Variants in RCAN3 observed in about 807,000 individuals in gnomAD.
The protein encoded by RCAN3 is regulator of calcineurin 3.
In RCAN3, 19 loss-of-function variants were observed where a neutral mutation model predicts 21.9. That is an observed-to-expected ratio of 0.87 (90% CI 0.61 to 1.27). The LOEUF (loss-of-function observed/expected upper bound fraction) is 1.27, where lower values mean the gene tolerates loss of function less well. RCAN3 is among the 50% of genes most tolerant of loss of function. The pLI is 0.00. For missense variants in RCAN3, 240 were observed against 300.1 expected (o/e 0.80, Z 1.48); for synonymous variants, 114 against 112.3 (o/e 1.01, Z -0.09).
Position 24,535,233 on chromosome 1 carries a change from ACCGCAG to A in RCAN3, c.684_689del (p.Ala229_Ala230del). The stretch of plus-strand genomic sequence containing the variant: ...CCAGACGAGGCGCCCCGACCCTCCG[ACCGCAG>A]CGTTGAATGAGCCCCAGACCTTTGA... On this transcript the variant is annotated inframe_deletion, in exon 5 of 5. Coordinates refer to ENST00000374395, the MANE Select transcript of RCAN3 (RefSeq NM_013441.4). The A allele has an allele frequency of 6.3e-7, 1 of 1,581,570 alleles. No homozygotes were observed. Among genetic ancestry groups the A allele is most frequent in the Non-Finnish European group, 8.6e-7 (1 of 1,169,270 alleles).
chr1:24,507,758 G>T (rs1647552143), intron 1 of RCAN3: 1 of 152,156 alleles, frequency 6.6e-6, no homozygotes, highest in Non-Finnish European at 1.5e-5. Context: ...TGTACCTGTG[G>T]GCCACCCAGA....
chr1:24,518,053 A>G (rs1174614320), intron 2 of RCAN3, among the ~76,000 whole-genome samples: 1 of 150,548 alleles, frequency 6.6e-6, no homozygotes, highest in Non-Finnish European at 1.5e-5. Flanking sequence ...GGCTGGGCAC[A>G]TTGGCTCACA....
At chr1:24,529,998 CA>C (rs201761424) in intron 2 of RCAN3, among the ~76,000 whole-genome samples, 21 of 96,922 alleles carry the variant, frequency 2.2e-4, no homozygotes, top group Admixed American at 1.9e-4. Context: ...GACCCCATCT[CA>C]AAAAAAAAAA....
At chr1:24,503,175 C>T (rs1457858226) in intron 1 of RCAN3, 25 bp downstream of exon 1, 1 of 14,768 alleles carries the variant, frequency 6.8e-5, no homozygotes, top group Non-Finnish European at 1.7e-4. Context: ...CGGGGCGGGG[C>T]GGGGCGGGGC....
Position 24,536,019 on chromosome 1 carries a change from C to A in RCAN3, c.*742C>A, listed in dbSNP as rs569664497. 1.3e-5 allele frequency: 2 copies of A among 152,170 alleles called. No individual in the cohort carries two copies. The highest frequency in any genetic ancestry group is 2.9e-5 in the Non-Finnish European group (2 of 68,052). The allele number at this position is 152,170 out of a possible 1,614,324, so 9.4% of individuals were successfully genotyped here. On this transcript the variant is annotated 3_prime_UTR_variant, in exon 5 of 5. Transcript: ENST00000374395. Reference sequence around the variant, plus strand: ...AAGGACGGCCACTTTAGAAGTGGGACGTATCACCAGTAAGCTTGAATGATT... The same window carrying A: ...AAGGACGGCCACTTTAGAAGTGGGAAGTATCACCAGTAAGCTTGAATGATT...
intron 2 of RCAN3, among the ~76,000 whole-genome samples, chr1:24,522,625 C>T (rs1045775084): frequency 6.6e-6 from 1 of 152,108 alleles, no homozygotes; most frequent in Non-Finnish European, 1.5e-5. Context: ...TCCCAGGCCT[C>T]CACGCTTGTC....
rs755493321 is a variant in RCAN3 at position 24,533,152 on chromosome 1, A to G, written c.439A>G (p.Ile147Val). The change falls in exon 4 of 5, where the codon ATC becomes GTC. Residue 147 changes from isoleucine to valine, a missense_variant. By Grantham distance (29) the Ile-to-Val change is conservative. Coordinates refer to ENST00000374395, the MANE Select transcript of RCAN3 (RefSeq NM_013441.4). ...LPPQPVKQFL[I>V]SPPASPPVGW... The stretch of plus-strand genomic sequence containing the variant: ...GCCCCAGCCTGTCAAGCAGTTCCTC[A>G]TCTCCCCTCCAGCCTCTCCCCCGGT... 77 of 1,602,560 alleles carry G rather than the reference A, an allele frequency of 4.8e-5. No individual in the cohort carries two copies. The highest frequency in any genetic ancestry group is 6.5e-5 in the Non-Finnish European group (77 of 1,176,316).
chr1:24,528,885 G>A (rs1054552734), intron 2 of RCAN3, among the ~76,000 whole-genome samples: 7 of 152,106 alleles, frequency 4.6e-5, no homozygotes, highest in Non-Finnish European at 8.8e-5. Context: ...AAACAGCTGC[G>A]CAAACACACT....
Position 24,539,364 on chromosome 1 carries a change from T to G in RCAN3, c.*4087T>G, listed in dbSNP as rs893418845. ...ATTAATGAATTTGATGTCCCATGTT[T>G]TGTAGTTTTGTTATCATTGAACCAT... is the stretch of plus-strand genomic sequence containing the variant. On this transcript the variant is annotated 3_prime_UTR_variant, in exon 5 of 5. Coordinates refer to ENST00000374395, the MANE Select transcript of RCAN3 (RefSeq NM_013441.4). 3.3e-5 allele frequency: 5 copies of G among 152,228 alleles called. No individual in the cohort carries two copies. Among genetic ancestry groups the G allele is most frequent in the Admixed American group, 6.5e-5 (1 of 15,284 alleles). 9.4% of individuals were successfully genotyped at this position (152,228 alleles called of 1,614,324 possible).
At chr1:24,521,419 A>C (rs942582151) in intron 2 of RCAN3, among the ~76,000 whole-genome samples, 1 of 152,114 alleles carries the variant, frequency 6.6e-6, no homozygotes, top group Admixed American at 6.5e-5. Context: ...CAAAACAAAA[A>C]ACCAAAGACT....
intron 1 of RCAN3, among the ~76,000 whole-genome samples, chr1:24,505,423 A>G (rs1647367513): frequency 1.3e-5 from 2 of 150,560 alleles, no homozygotes; most frequent in Admixed American, 1.3e-4. Flanking sequence ...GGGTTTTTCC[A>G]TGTTGCCCGG....
chr1:24,528,262 A>G (rs1649437878), intron 2 of RCAN3, among the ~76,000 whole-genome samples: 1 of 138,588 alleles, frequency 7.2e-6, no homozygotes, highest in African/African-American at 3.4e-5. Flanking sequence ...AAGAAAAAAA[A>G]AAAAAGAAAA....
intron 2 of RCAN3, among the ~76,000 whole-genome samples, chr1:24,517,543 T>G (rs1329437325): frequency 6.6e-6 from 1 of 152,252 alleles, no homozygotes; most frequent in Non-Finnish European, 1.5e-5. Context: ...CGTAAATTTA[T>G]ACTGGAAATC....
rs922637609 is a variant in RCAN3, at chr1:24,540,950, T to C, written c.*5673T>C. Reference sequence around the variant, plus strand: ...TCCTATCAAGATGACAAAAGCAGAATGTAATTTTTTTTTGGAAGCTTCGTG... The same window carrying C: ...TCCTATCAAGATGACAAAAGCAGAACGTAATTTTTTTTTGGAAGCTTCGTG... On this transcript the variant is annotated 3_prime_UTR_variant, in exon 5 of 5. Coordinates refer to ENST00000374395, the MANE Select transcript of RCAN3 (RefSeq NM_013441.4). 3.9e-5 allele frequency: 6 copies of C among 152,246 alleles called. 1 individual carries two copies. The highest frequency in any genetic ancestry group is 1.4e-4 in the African/African-American group (6 of 41,470). The allele number at this position is 152,246 out of a possible 1,614,324, so 9.4% of individuals were successfully genotyped here. A position where few individuals can be genotyped will look rare whatever the true frequency, so the allele number is the denominator to read the frequency against.
At position 24,539,619 on chromosome 1, in the gene RCAN3, C is replaced by T. The variant is rs570286738; in HGVS notation, c.*4342C>T. The T allele has an allele frequency of 1.3e-5, 2 of 152,334 alleles. No individual in the cohort carries two copies. The highest frequency in any genetic ancestry group is 4.1e-4 in the South Asian group (2 of 4,830). 9.4% of individuals were successfully genotyped at this position (152,334 alleles called of 1,614,324 possible). A position where few individuals can be genotyped will look rare whatever the true frequency, so the allele number is the denominator to read the frequency against. On this transcript the variant is annotated 3_prime_UTR_variant, in exon 5 of 5. Coordinates refer to ENST00000374395, the MANE Select transcript of RCAN3 (RefSeq NM_013441.4). ...AAATTGAGTTCTATTCAAGACGGAA[C>T]TGCTATGACTGGCCTATTCAAGGCT...
At chr1:24,507,942 A>G (rs1051641911) in intron 1 of RCAN3, among the ~76,000 whole-genome samples, 2 of 152,162 alleles carry the variant, frequency 1.3e-5, no homozygotes, top group African/African-American at 4.8e-5. Context: ...TAGGTGTGTG[A>G]TGGCATGTGC....
intron 1 of RCAN3, among the ~76,000 whole-genome samples, chr1:24,504,566 CAT>C (rs569803721): frequency 4.6e-5 from 7 of 152,222 alleles, no homozygotes; most frequent in Non-Finnish European, 1.0e-4. Context: ...AGGTTTCAAA[CAT>C]GTGAACATTA....
intron 1 of RCAN3, among the ~76,000 whole-genome samples, chr1:24,509,751 A>G (rs1647731234): frequency 6.6e-6 from 1 of 152,146 alleles, no homozygotes; most frequent in Admixed American, 6.5e-5. Context: ...TAAATCACGA[A>G]TGTTCTGGAT....
At chr1:24,509,487 G>A (rs1188167041) in intron 1 of RCAN3, among the ~76,000 whole-genome samples, 1 of 152,196 alleles carries the variant, frequency 6.6e-6, no homozygotes, top group East Asian at 1.9e-4. Flanking sequence ...TTCCCCAGGA[G>A]TAGATTTTAT....
Sources: allele counts gnomAD v4.1 joint callset (sites outside exome capture counted in the v4.1 genomes callset), GRCh38; gene constraint gnomAD v4.1.1; transcripts MANE v1.5; gene names NCBI Gene and HGNC (gene_info 2026-07-23, HGNC 2026-07-21).